The following PDE4D variants were observed in gnomAD, a reference collection of about 807,000 sequenced individuals.
PDE4D encodes the protein 3',5'-cyclic-AMP phosphodiesterase 4D.
A neutral mutation model predicts 87.4 loss-of-function variants in PDE4D; 24 were observed. The ratio of observed to expected loss-of-function variants is 0.27; its 90% CI spans 0.20 to 0.39. The LOEUF (loss-of-function observed/expected upper bound fraction) is 0.39. PDE4D is among the 10% of genes least tolerant of loss of function. The probability of loss-of-function intolerance (pLI) is 1.00; values close to 1 mark genes in which losing one functional copy is unlikely to be tolerated. For synonymous variants in PDE4D, 384 were observed against 383.2 expected, an observed-to-expected ratio of 1.00 and a Z score of -0.02; for missense variants, 714 against 1,041.0, an observed-to-expected ratio of 0.69 and a Z score of 4.32.
chr5:60,464,426 G>A (rs1042803367), intron 1 of PDE4D, among the ~76,000 whole-genome samples: 1 of 152,174 alleles, frequency 6.6e-6, no homozygotes, highest in East Asian at 1.9e-4. Context: ...TGAGAATCCA[G>A]TCATCACTCT....
intron 5 of PDE4D, among the ~76,000 whole-genome samples, chr5:59,094,513 C>T (rs978088449): frequency 3.9e-5 from 6 of 151,920 alleles, no homozygotes; most frequent in Non-Finnish European, 7.4e-5. Context: ...AACTGAAGGA[C>T]TCATATCTCT....
At chr5:59,687,150 G>C (rs1227446827) in intron 1 of PDE4D, among the ~76,000 whole-genome samples, 1 of 152,066 alleles carries the variant, frequency 6.6e-6, no homozygotes, top group Non-Finnish European at 1.5e-5. Flanking sequence ...CTCATGTTTT[G>C]ACATTGATAA....
At chr5:58,989,096 A>T (rs1480994006) in intron 10 of PDE4D, among the ~76,000 whole-genome samples, 1 of 152,168 alleles carries the variant, frequency 6.6e-6, no homozygotes, top group African/African-American at 2.4e-5. Flanking sequence ...AGATGCCAGT[A>T]TCATGTACAA....
intron 3 of PDE4D, among the ~76,000 whole-genome samples, chr5:59,904,457 G>A (rs1752613631): frequency 6.6e-6 from 1 of 152,080 alleles, no homozygotes; most frequent in Non-Finnish European, 1.5e-5. Context: ...AGCCTCCAAG[G>A]GGTTTGTGAA....
At chr5:60,282,235 A>ATATATATATATATATATATATG (rs1490291783) in intron 1 of PDE4D, among the ~76,000 whole-genome samples, 15 of 132,048 alleles carry the variant, frequency 1.1e-4, no homozygotes, top group Non-Finnish European at 1.9e-4. Context: ...ATATATATAT[A>ATATATATATATATATATATATG]TATTTCTCAA....
intron 1 of PDE4D, among the ~76,000 whole-genome samples, chr5:59,244,445 C>G (rs1310334420): frequency 8.0e-6 from 1 of 125,496 alleles, no homozygotes; most frequent in Non-Finnish European, 1.7e-5. Context: ...TATATGTATA[C>G]ACACACATAT....
At chr5:59,511,554 T>C (rs753807229) in intron 1 of PDE4D, among the ~76,000 whole-genome samples, 1 of 152,014 alleles carries the variant, frequency 6.6e-6, no homozygotes, top group Non-Finnish European at 1.5e-5. Flanking sequence ...ATATGCACAA[T>C]GGTAGCAGGG....
At chr5:59,147,481 T>C (rs1487231478) in intron 5 of PDE4D, among the ~76,000 whole-genome samples, 2 of 152,216 alleles carry the variant, frequency 1.3e-5, no homozygotes, top group Non-Finnish European at 2.9e-5. Context: ...ATAAAATTCA[T>C]TGCTTGACAA....
chr5:59,840,047 T>C (rs1742736091), intron 1 of PDE4D, among the ~76,000 whole-genome samples: 1 of 151,876 alleles, frequency 6.6e-6, no homozygotes, highest in African/African-American at 2.4e-5. Context: ...TCCAACACTT[T>C]CCCCCTCTGA....
chr5:59,223,593 T>G (rs943660079), intron 1 of PDE4D, among the ~76,000 whole-genome samples: 1 of 152,182 alleles, frequency 6.6e-6, no homozygotes, highest in Non-Finnish European at 1.5e-5. Flanking sequence ...GTTATCAATA[T>G]CACAAGGTTA....
intron 3 of PDE4D, among the ~76,000 whole-genome samples, chr5:59,963,421 G>A (rs1374308343): frequency 1.3e-5 from 2 of 152,004 alleles, no homozygotes; most frequent in Non-Finnish European, 2.9e-5. Flanking sequence ...GTATGTGCTC[G>A]CCCATGCACA....
intron 1 of PDE4D, among the ~76,000 whole-genome samples, chr5:60,253,217 A>G (rs1278122512): frequency 2.0e-5 from 3 of 152,044 alleles, no homozygotes; most frequent in African/African-American, 2.4e-5. Flanking sequence ...GAGCTCCTAC[A>G]GCACAGGCTC....
intron 1 of PDE4D, among the ~76,000 whole-genome samples, chr5:59,889,534 T>G (rs975124977): frequency 2.6e-5 from 4 of 152,136 alleles, no homozygotes; most frequent in Non-Finnish European, 5.9e-5. Flanking sequence ...ACAAAGTATC[T>G]AAATCAAATG....
intron 1 of PDE4D, among the ~76,000 whole-genome samples, chr5:60,433,230 A>G (rs956517696): frequency 6.6e-6 from 1 of 152,220 alleles, no homozygotes; most frequent in African/African-American, 2.4e-5. Flanking sequence ...AGACAAATTG[A>G]CAAGCAAAAA....
intron 3 of PDE4D, among the ~76,000 whole-genome samples, chr5:59,919,849 G>C (rs574385254): frequency 6.6e-6 from 1 of 152,302 alleles, no homozygotes; most frequent in East Asian, 1.9e-4. Context: ...ATGTGGCAAA[G>C]ATTAATTTGG....
intron 2 of PDE4D, among the ~76,000 whole-genome samples, chr5:59,214,112 T>A (rs1750725397): frequency 6.6e-6 from 1 of 151,250 alleles, no homozygotes; most frequent in Admixed American, 6.6e-5. Context: ...CTAAACCAGC[T>A]CTTTGCTCCA....
chr5:60,110,070 T>C (rs185404054), intron 2 of PDE4D, among the ~76,000 whole-genome samples: 3 of 152,166 alleles, frequency 2.0e-5, no homozygotes, highest in Admixed American at 2.0e-4. Context: ...TTTTCTGGAA[T>C]GAGCGAAGTG....
chr5:59,207,000 T>C (rs183047695), intron 2 of PDE4D, among the ~76,000 whole-genome samples: 40 of 152,026 alleles, frequency 2.6e-4, no homozygotes, highest in South Asian at 4.2e-4. Context: ...CTGGGCAACA[T>C]AGCAAGACCT....
At chr5:60,483,641 A>G (rs1212090366) in intron 1 of PDE4D, among the ~76,000 whole-genome samples, 1 of 152,188 alleles carries the variant, frequency 6.6e-6, no homozygotes, top group East Asian at 1.9e-4. Flanking sequence ...ATTACTGAAG[A>G]AGTGTTCTTA....
Sources: gnomAD v4.1 joint callset for allele counts (sites outside exome capture counted in the v4.1 genomes callset) on GRCh38, gnomAD v4.1.1 for gene constraint, MANE v1.5 for transcripts, NCBI Gene and HGNC (gene_info 2026-07-23, HGNC 2026-07-21) for gene names.